AMOTL2: variants seen among roughly 807,000 people sequenced by gnomAD.
The protein encoded by AMOTL2 is angiomotin-like protein 2.
A neutral mutation model predicts 78.4 loss-of-function variants in AMOTL2; 33 were observed. The observed-to-expected ratio is 0.42, with a 90% CI of 0.32 to 0.56. The LOEUF (loss-of-function observed/expected upper bound fraction) is 0.56, where lower values mean the gene tolerates loss of function less well. Among genes scored for constraint, AMOTL2 ranks in the 20% least tolerant of loss-of-function variants. The probability of loss-of-function intolerance (pLI) is 0.12; values close to 1 mark genes in which losing one functional copy is unlikely to be tolerated. For synonymous variants in AMOTL2, 422 were observed against 428.8 expected, an observed-to-expected ratio of 0.98 and a Z score of 0.20; for missense variants, 983 against 1,030.1, an observed-to-expected ratio of 0.95 and a Z score of 0.63.
At chr3:134,361,442 C>T (rs2017357236) in intron 6 of AMOTL2, 70 bp downstream of exon 6, 2 of 1,474,558 alleles carry the variant, frequency 1.4e-6, no homozygotes, top group Non-Finnish European at 1.8e-6. Context: ...TCCAAACCTA[C>T]AGTCCCCGAG....
chr3:134,358,043 A>G (rs2017149947), intron 9 of AMOTL2, among the ~76,000 whole-genome samples: 1 of 152,192 alleles, frequency 6.6e-6, no homozygotes, highest in African/African-American at 2.4e-5. Flanking sequence ...GGCAGGCTGC[A>G]GCATTCTTTT....
intron 5 of AMOTL2, among the ~76,000 whole-genome samples, chr3:134,365,342 C>A (rs1366908494): frequency 1.3e-5 from 2 of 152,212 alleles, no homozygotes; most frequent in African/African-American, 4.8e-5. Context: ...CCATTTTTGG[C>A]TGCCTCAGAT....
intron 6 of AMOTL2, 91 bp downstream of exon 6, chr3:134,361,421 C>A (rs1300938728): frequency 7.0e-7 from 1 of 1,424,936 alleles, no homozygotes; most frequent in Non-Finnish European, 9.3e-7. Context: ...CCCGGGGCCT[C>A]AGCCCTGGCC....
intron 1 of AMOTL2, among the ~76,000 whole-genome samples, chr3:134,372,171 G>C (rs1218334184): frequency 6.6e-6 from 1 of 152,072 alleles, no homozygotes; most frequent in Non-Finnish European, 1.5e-5. Context: ...CCACCCTCTA[G>C]CCCGCTGAAC....
upstream of AMOTL2, chr3:134,375,130 C>A (rs929115630): frequency 6.6e-6 from 10 of 1,526,004 alleles, no homozygotes; most frequent in East Asian, 4.9e-5. Context: ...ATTTTACGAC[C>A]GTCTCGACAG....
upstream of AMOTL2, chr3:134,375,012 C>T: frequency 7.0e-7 from 1 of 1,437,958 alleles, no homozygotes; most frequent in Non-Finnish European, 9.1e-7. Context: ...GTGCCCCGGG[C>T]TAAGTGAATG....
chr3:134,360,261 T>A lies in AMOTL2; in HGVS notation c.1728A>T (p.Glu576Asp). The change falls in exon 7 of 10, where the codon GAA (glutamate) becomes GAT (aspartate). Residue 576 changes from glutamate (E) to aspartate (D), a missense_variant. Coordinates refer to ENST00000249883, the MANE Select transcript of AMOTL2 (RefSeq NM_016201.4). ...MTKWEQKYLEERAMRQFAMDA... is the reference protein window; with the variant it reads ...MTKWEQKYLEDRAMRQFAMDA... ...CCATGGCAAACTGCCTCATGGCACG[T>A]TCCTCCAAATACTTCTGCTCCCACT... The A allele has an allele frequency of 4.3e-6, 7 of 1,614,194 alleles. No individual in the cohort carries two copies. Among genetic ancestry groups the A allele is most frequent in the Non-Finnish European group, 5.9e-6 (7 of 1,180,026 alleles).
chr3:134,371,284 G>C lies in AMOTL2; in HGVS notation c.150C>G (p.Ser50Arg). 1.9e-6 allele frequency: 3 copies of C among 1,612,332 alleles called. No individual in the cohort carries two copies. Among genetic ancestry groups the C allele is most frequent in the Non-Finnish European group, 2.5e-6 (3 of 1,179,988 alleles). ...RGGAGTGGTGSPQASLEILAP... is the reference protein window; with the variant it reads ...RGGAGTGGTGRPQASLEILAP... ...CCAGGATCTCCAGGGAGGCCTGGGG[G>C]CTCCCTGTACCCCCAGTTCCAGCCC... is the stretch of plus-strand genomic sequence containing the variant. The change falls in exon 2 of 10, where the codon AGC becomes AGG. Residue 50 changes from serine (S) to arginine (R), a missense_variant. Physicochemically the swap from Ser to Arg is moderately radical, Grantham distance 110 (BLOSUM62 -1). Coordinates refer to ENST00000249883, the MANE Select transcript of AMOTL2 (RefSeq NM_016201.4).
At position 134,369,402 on chromosome 3, in the gene AMOTL2, C is replaced by T. The variant is rs558439105; in HGVS notation, c.734+1298G>A. ...GCTTTCCTTTCTCCTCGTCCTCTCCCTCCCCTGCTTTTTGTTCTCCTGCAA... is the reference window on the plus strand; with the variant it reads ...GCTTTCCTTTCTCCTCGTCCTCTCCTTCCCCTGCTTTTTGTTCTCCTGCAA... On this transcript the variant is annotated intron_variant, in intron 2 of 9. Coordinates refer to ENST00000249883, the MANE Select transcript of AMOTL2 (RefSeq NM_016201.4). Among the ~76,000 whole-genome samples, 8 of 152,346 alleles carry T rather than the reference C, an allele frequency of 5.3e-5. No individual in the cohort carries two copies. In the East Asian group the frequency reaches 1.5e-3, roughly 29 times the overall value.
chr3:134,360,898 A>C (rs1261127427), intron 6 of AMOTL2, among the ~76,000 whole-genome samples: 1 of 152,210 alleles, frequency 6.6e-6, no homozygotes, highest in Non-Finnish European at 1.5e-5. Context: ...TGGTGGCCAG[A>C]CGCAGTGGCT....
intron 1 of AMOTL2, among the ~76,000 whole-genome samples, chr3:134,372,359 T>C (rs565356710): frequency 4.6e-5 from 7 of 152,192 alleles, no homozygotes; most frequent in African/African-American, 1.4e-4. Flanking sequence ...AATTGGTGAA[T>C]AAAGGATGAA....
At chr3:134,361,851 G>C (rs1276450837) in intron 5 of AMOTL2, 44 bp from the exon 6 acceptor site, 1 of 1,479,058 alleles carries the variant, frequency 6.8e-7, no homozygotes, top group Non-Finnish European at 9.0e-7. Flanking sequence ...GACCACGTTG[G>C]CTGGCCCCAT....
intron 2 of AMOTL2, among the ~76,000 whole-genome samples, chr3:134,369,598 C>T (rs1180347109): frequency 6.6e-6 from 1 of 152,196 alleles, no homozygotes; most frequent in East Asian, 1.9e-4. Context: ...CTATGAGGCT[C>T]CAACCTCTGG....
chr3:134,363,696 A>C (rs1195386553), intron 5 of AMOTL2, among the ~76,000 whole-genome samples: 1 of 152,202 alleles, frequency 6.6e-6, no homozygotes, highest in Non-Finnish European at 1.5e-5. Flanking sequence ...AGCAGATGGC[A>C]TTGGTGATAA....
chr3:134,369,292 G>A (rs1272207804), intron 2 of AMOTL2, among the ~76,000 whole-genome samples: 3 of 152,118 alleles, frequency 2.0e-5, no homozygotes, highest in Admixed American at 6.5e-5. Context: ...GCTCCCCCCT[G>A]CACTGGGCCA....
At chr3:134,362,864 G>T (rs559468600) in intron 5 of AMOTL2, among the ~76,000 whole-genome samples, 2 of 152,152 alleles carry the variant, frequency 1.3e-5, no homozygotes, top group African/African-American at 4.8e-5. Flanking sequence ...GAGAGCAGGT[G>T]GGGGGCAGGG....
At chr3:134,375,295 A>G, upstream of AMOTL2, 1 of 1,502,948 alleles carries the variant, frequency 6.7e-7, no homozygotes, top group Non-Finnish European at 9.0e-7. Context: ...CTTTTCGCCC[A>G]GTCATCCGAT....
At chr3:134,358,820 G>C in intron 8 of AMOTL2, 101 bp from the exon 9 acceptor site, 1 of 1,375,810 alleles carries the variant, frequency 7.3e-7, no homozygotes, top group Non-Finnish European at 1.0e-6. Context: ...AAGGTGGAGT[G>C]GGCTGCTCTT....
chr3:134,372,275 T>TGG (rs2017896575), intron 1 of AMOTL2, among the ~76,000 whole-genome samples: 1 of 152,158 alleles, frequency 6.6e-6, no homozygotes, highest in Non-Finnish European at 1.5e-5. Flanking sequence ...AGAATGAATC[T>TGG]GGGGCTCCCT....
Sources: gnomAD v4.1 joint callset for allele counts (sites outside exome capture counted in the v4.1 genomes callset) on GRCh38, gnomAD v4.1.1 for gene constraint, MANE v1.5 for transcripts, NCBI Gene and HGNC (gene_info 2026-07-23, HGNC 2026-07-21) for gene names.